The following MOXD1 variants were observed in gnomAD, a reference collection of about 807,000 sequenced individuals.
MOXD1 encodes the protein DBH-like monooxygenase protein 1.
A neutral mutation model predicts 66.6 loss-of-function variants in MOXD1; 62 were observed. The observed-to-expected ratio is 0.93, with a 90% CI of 0.76 to 1.15. The LOEUF is 1.15. Ranked by LOEUF, MOXD1 falls within the 50% of genes most tolerant of loss-of-function variation. MOXD1 has a pLI of 0.00. For missense variants in MOXD1, 847 were observed against 754.6 expected, an observed-to-expected ratio of 1.12 and a Z score of -1.44; for synonymous variants, 303 against 281.9, an observed-to-expected ratio of 1.07 and a Z score of -0.75.
Position 132,315,724 on chromosome 6 carries a change from T to C in MOXD1, c.1419A>G (p.Pro473=). 2 of 1,613,528 alleles carry C rather than the reference T, an allele frequency of 1.2e-6. No individual in the cohort carries two copies. Among genetic ancestry groups the C allele is most frequent in the South Asian group, 2.2e-5 (2 of 91,056 alleles). Residue 473 remains proline, a synonymous_variant, in exon 10 of 12, where the codon CCA becomes CCG. Transcript: ENST00000367963. ...EMCLSYLLYY[P]RINLTRCASI... Reference sequence around the variant, plus strand: ...TTGCACATCGAGTAAGATTAATTCTTGGGTAATAAAGAAGGTATGAGAGAC... The same window carrying C: ...TTGCACATCGAGTAAGATTAATTCTCGGGTAATAAAGAAGGTATGAGAGAC...
intron 4 of MOXD1, among the ~76,000 whole-genome samples, chr6:132,363,226 A>C (rs1162935190): frequency 6.6e-6 from 1 of 151,626 alleles, no homozygotes; most frequent in South Asian, 2.1e-4. Flanking sequence ...AAAAAACAAA[A>C]AAAAAAAACC....
At chr6:132,351,346 G>A (rs563388449) in intron 4 of MOXD1, among the ~76,000 whole-genome samples, 17 of 152,084 alleles carry the variant, frequency 1.1e-4, no homozygotes, top group Admixed American at 5.9e-4. Flanking sequence ...AGTTTTAATC[G>A]TAAAGGGATG....
chr6:132,340,657 T>TTTTTTTTTC, intron 4 of MOXD1, among the ~76,000 whole-genome samples: 1 of 140,288 alleles, frequency 7.1e-6, no homozygotes, highest in African/African-American at 2.7e-5. Context: ...TTTTTTTTTT[T>TTTTTTTTTC]TTTTTTTGAG....
At chr6:132,298,071 C>A (rs1774451447) in intron 10 of MOXD1, 116 bp from the exon 11 acceptor site, 2 of 795,472 alleles carry the variant, frequency 2.5e-6, no homozygotes, top group Non-Finnish European at 3.6e-6. Flanking sequence ...ACATAGATAA[C>A]CTAATGCAAA....
chr6:132,388,710 T>G (rs1042690473), intron 1 of MOXD1, among the ~76,000 whole-genome samples: 2 of 151,416 alleles, frequency 1.3e-5, no homozygotes, highest in Non-Finnish European at 3.0e-5. Flanking sequence ...AGGGGGTCCA[T>G]TTTGTTACTG....
At chr6:132,373,813 T>C (rs144478193) in intron 2 of MOXD1, among the ~76,000 whole-genome samples, 75 of 152,378 alleles carry the variant, frequency 4.9e-4, no homozygotes, top group Non-Finnish European at 7.9e-4. Flanking sequence ...TTAAATGTTC[T>C]CTTTGCTATA....
chr6:132,376,209 TA>T (rs1776375404), intron 1 of MOXD1, among the ~76,000 whole-genome samples: 1 of 152,258 alleles, frequency 6.6e-6, no homozygotes, highest in African/African-American at 2.4e-5. Context: ...GAAACATAAT[TA>T]TAATTACTTT....
intron 4 of MOXD1, among the ~76,000 whole-genome samples, chr6:132,360,830 G>C (rs1470194170): frequency 6.6e-6 from 1 of 152,180 alleles, no homozygotes; most frequent in Non-Finnish European, 1.5e-5. Context: ...ACGATTTACA[G>C]GTGTAGTGTG....
chr6:132,319,438 T>C (rs959420449), intron 9 of MOXD1, among the ~76,000 whole-genome samples: 14 of 152,038 alleles, frequency 9.2e-5, no homozygotes, highest in Admixed American at 6.5e-4. Context: ...CCAATAAAGA[T>C]TTATAATTTT....
At chr6:132,390,191 T>C (rs928152469) in intron 1 of MOXD1, among the ~76,000 whole-genome samples, 2 of 151,510 alleles carry the variant, frequency 1.3e-5, no homozygotes, top group Non-Finnish European at 1.5e-5. Flanking sequence ...TTCAGACACA[T>C]TTGAAAAAAA....
chr6:132,384,921 T>C (rs867135606), intron 1 of MOXD1, among the ~76,000 whole-genome samples: 27 of 152,238 alleles, frequency 1.8e-4, no homozygotes, highest in Middle Eastern at 3.4e-3. Context: ...ATGTGAGGAA[T>C]GAGGAGAAGA....
intron 10 of MOXD1, among the ~76,000 whole-genome samples, chr6:132,309,904 A>G (rs1485422804): frequency 2.6e-5 from 4 of 152,248 alleles, no homozygotes; most frequent in Non-Finnish European, 5.9e-5. Context: ...AAACCCTAGA[A>G]GAAAACCTAG....
At position 132,339,963 on chromosome 6, in the gene MOXD1, C is replaced by T. The variant is rs138968468; in HGVS notation, c.664-11369G>A. ...CAGCTCACTGCAACCTTTGCCTCCC[C>T]GGTTCAAGTAATTCTCCTGGCTCAG... On this transcript the variant is annotated intron_variant, in intron 4 of 11. Coordinates refer to ENST00000367963, the MANE Select transcript of MOXD1 (RefSeq NM_015529.4). Among the ~76,000 whole-genome samples, 29 of 151,766 alleles carry T rather than the reference C, an allele frequency of 1.9e-4. No homozygotes were observed. The East Asian group carries it at 2.3e-3, about 12-fold the overall frequency.
intron 2 of MOXD1, 135 bp downstream of exon 2, chr6:132,374,496 A>T: frequency 1.0e-6 from 1 of 967,170 alleles, no homozygotes; most frequent in Non-Finnish European, 1.4e-6. Context: ...TAAAAAAAAA[A>T]CTAAAAAAAA....
rs149187958 is a variant in MOXD1 at position 132,311,531 on chromosome 6, C to T, written c.1508+4104G>A. ...TTGAAACATACAGTGAATCTAACAA[C>T]TTGATGATTTTATGATCTATTTTGT... is the stretch of plus-strand genomic sequence containing the variant. On this transcript the variant is annotated intron_variant, in intron 10 of 11. Coordinates refer to ENST00000367963, the MANE Select transcript of MOXD1 (RefSeq NM_015529.4). 7.0e-3 allele frequency among the ~76,000 whole-genome samples: 1,058 copies of T among 151,902 alleles called. 9 individuals are homozygous for T. The highest frequency in any genetic ancestry group is 9.7e-3 in the Non-Finnish European group (660 of 67,902).
chr6:132,341,022 C>T lies in MOXD1; in HGVS notation c.664-12428G>A, dbSNP rs1410569441. Reference sequence around the variant, plus strand: ...TTTTAGTCATAGCTATCATCCTAATCCACATCTCTCATTAATCCTATAGGA... The same window carrying T: ...TTTTAGTCATAGCTATCATCCTAATTCACATCTCTCATTAATCCTATAGGA... On this transcript the variant is annotated intron_variant, in intron 4 of 11. Coordinates refer to ENST00000367963, the MANE Select transcript of MOXD1 (RefSeq NM_015529.4). Among the ~76,000 whole-genome samples, 3 of 152,144 alleles carry T rather than the reference C, an allele frequency of 2.0e-5. No individual in the cohort carries two copies. The East Asian group carries it at 5.8e-4, about 29-fold the overall frequency.
intron 10 of MOXD1, among the ~76,000 whole-genome samples, chr6:132,312,209 T>C (rs1253030827): frequency 6.6e-6 from 1 of 151,308 alleles, no homozygotes; most frequent in Non-Finnish European, 1.5e-5. Flanking sequence ...CAAGACATAG[T>C]TGTCTCATTT....
Position 132,297,960 on chromosome 6 carries a change from A to T in MOXD1, c.1509-5T>A, listed in dbSNP as rs1215267826. 8 of 1,602,942 alleles carry T rather than the reference A, an allele frequency of 5.0e-6. No homozygotes were observed. The highest frequency in any genetic ancestry group is 1.7e-4 in the Middle Eastern group (1 of 5,960). On this transcript the variant is annotated splice_polypyrimidine_tract_variant and splice_region_variant and intron_variant, in intron 10 of 11. Transcript: ENST00000367963. Reference sequence around the variant, plus strand: ...TTGATAATGAAAGGCCAGGTCCTGAATTTAAAAGACACAGTTAGTCATATT... The same window carrying T: ...TTGATAATGAAAGGCCAGGTCCTGATTTTAAAAGACACAGTTAGTCATATT...
chr6:132,322,874 C>G lies in MOXD1; in HGVS notation c.1114-4G>C, dbSNP rs374782387. On this transcript the variant is annotated splice_polypyrimidine_tract_variant and splice_region_variant and intron_variant, in intron 7 of 11. Coordinates refer to ENST00000367963, the MANE Select transcript of MOXD1 (RefSeq NM_015529.4). ...TTGGCTTTTCGGCTTCCAGAGCCTACAGGAGACACCGAGGAAGACCCGATT... is the reference window on the plus strand; with the variant it reads ...TTGGCTTTTCGGCTTCCAGAGCCTAGAGGAGACACCGAGGAAGACCCGATT... 8.1e-6 allele frequency: 13 copies of G among 1,608,044 alleles called. No individual in the cohort carries two copies. Among genetic ancestry groups the G allele is most frequent in the African/African-American group, 1.3e-5 (1 of 74,546 alleles).
Sources: allele counts gnomAD v4.1 joint callset (sites outside exome capture counted in the v4.1 genomes callset), GRCh38; gene constraint gnomAD v4.1.1; transcripts MANE v1.5; gene names NCBI Gene and HGNC (gene_info 2026-07-23, HGNC 2026-07-21).